NOP14: variants seen among roughly 807,000 people sequenced by gnomAD.
The protein encoded by NOP14 is NOP14 nucleolar protein.
NOP14 carries 57 observed loss-of-function variants against 101.6 expected under a neutral mutation model. The ratio of observed to expected loss-of-function variants is 0.56; its 90% CI spans 0.45 to 0.70. NOP14 has a LOEUF of 0.70. Ranked by LOEUF, NOP14 falls within the 30% of genes least tolerant of loss-of-function variation. NOP14 has a pLI of 0.00. For missense variants in NOP14, 1,134 were observed against 1,075.5 expected, an observed-to-expected ratio of 1.05 and a Z score of -0.76; for synonymous variants, 428 against 424.0, an observed-to-expected ratio of 1.01 and a Z score of -0.12.
chr4:2,960,012 C>CA (rs1449231787), intron 1 of NOP14, among the ~76,000 whole-genome samples: 1 of 151,668 alleles, frequency 6.6e-6, no homozygotes, highest in Non-Finnish European at 1.5e-5. Flanking sequence ...CTCTGTCGCC[C>CA]AGGCTGGAGT....
At chr4:2,950,502 C>G in intron 7 of NOP14, 1 of 471,602 alleles carries the variant, frequency 2.1e-6, no homozygotes, top group Non-Finnish European at 3.8e-6. Flanking sequence ...GGAAGGTGTA[C>G]AGTGGCTGCG....
rs1355998389 is a variant in NOP14, at chr4:2,950,204, T to C, written c.1012A>G (p.Met338Val). ...TCCTGGACATCTTCCTCGACATTCA[T>C]CTTTCCATCCTACCAAGAGCGTGGA... ...RRLLSYKDGK[M>V]NVEEDVQEEQ... is the part of the protein sequence containing the mutation. Residue 338 changes from methionine (M) to valine (V), a missense_variant, in exon 8 of 18, where the codon ATG (methionine) becomes GTG (valine). Coordinates refer to ENST00000416614, the MANE Select transcript of NOP14 (RefSeq NM_001291978.2). 3.3e-5 allele frequency: 54 copies of C among 1,613,536 alleles called. No individual in the cohort carries two copies. Among genetic ancestry groups the C allele is most frequent in the Non-Finnish European group, 4.4e-5 (52 of 1,180,014 alleles).
chr4:2,961,503 C>G (rs1560312612), intron 1 of NOP14: 2 of 152,166 alleles, frequency 1.3e-5, no homozygotes, highest in Non-Finnish European at 2.9e-5. Flanking sequence ...TTCTAAGGGA[C>G]TAACCCACAT....
intron 13 of NOP14, among the ~76,000 whole-genome samples, 187 bp downstream of exon 13, chr4:2,943,886 G>A (rs1332957586): frequency 1.3e-5 from 2 of 152,214 alleles, no homozygotes; most frequent in African/African-American, 2.4e-5. Flanking sequence ...ACAGGTCACC[G>A]GTAGCACTGC....
chr4:2,963,002 G>T, intron 1 of NOP14, 123 bp downstream of exon 1: 1 of 975,166 alleles, frequency 1.0e-6, no homozygotes, highest in Non-Finnish European at 1.4e-6. Context: ...AGTCAGTGCC[G>T]TGTGCCTGTC....
chr4:2,961,058 CAATATTAT>C (rs1715807046), intron 1 of NOP14, among the ~76,000 whole-genome samples: 1 of 111,290 alleles, frequency 9.0e-6, no homozygotes, highest in African/African-American at 3.8e-5. Context: ...AATACTACAT[CAATATTAT>C]ATTAATACTA....
intron 1 of NOP14, among the ~76,000 whole-genome samples, chr4:2,958,955 C>T (rs1369953007): frequency 1.3e-5 from 2 of 152,200 alleles, no homozygotes; most frequent in East Asian, 1.9e-4. Context: ...GACAGAAGCA[C>T]GACCTGGCCC....
intron 14 of NOP14, 70 bp downstream of exon 14, chr4:2,942,122 C>T (rs1714246893): frequency 1.3e-6 from 2 of 1,496,478 alleles, no homozygotes; most frequent in Non-Finnish European, 1.8e-6. Flanking sequence ...CATCAGAAAG[C>T]ACGAGTGGCT....
intron 11 of NOP14, 73 bp from the exon 12 acceptor site, chr4:2,945,302 C>T: frequency 2.7e-6 from 3 of 1,127,168 alleles, no homozygotes; most frequent in Non-Finnish European, 1.3e-6. Flanking sequence ...CGCAAACACT[C>T]CGGAGCCAAG....
Position 2,939,176 on chromosome 4 carries a change from C to A in NOP14, c.2474+12G>T. On this transcript the variant is annotated intron_variant, in intron 17 of 17. Transcript: ENST00000416614. ...ACACCACAATCGTGTCGCACACACA[C>A]GTCCCCCTCACCGTTCCATGATTTC... is the stretch of plus-strand genomic sequence containing the variant. 1.9e-6 allele frequency: 3 copies of A among 1,613,736 alleles called. No individual in the cohort carries two copies. The highest frequency in any genetic ancestry group is 2.5e-6 in the Non-Finnish European group (3 of 1,179,934).
At position 2,938,193 on chromosome 4, in the gene NOP14, A is replaced by G; in HGVS notation, c.*638T>C. The G allele has an allele frequency of 1.6e-6, 2 of 1,288,056 alleles. No individual in the cohort carries two copies. Among genetic ancestry groups the G allele is most frequent in the Non-Finnish European group, 2.0e-6 (2 of 988,278 alleles). The allele number at this position is 1,288,056 out of a possible 1,614,324, so 79.8% of individuals were successfully genotyped here. A position where few individuals can be genotyped will look rare whatever the true frequency, so the allele number is the denominator to read the frequency against. On this transcript the variant is annotated 3_prime_UTR_variant, in exon 18 of 18. Coordinates refer to ENST00000416614, the MANE Select transcript of NOP14 (RefSeq NM_001291978.2). ...GCAGGCAGCGGGTGGGGGGAGCTGG[A>G]GGTTGGAATCACACCAACATTATAG...
In NOP14 at chr4:2,938,529, GAC is replaced by G. The variant is rs1008983924; in HGVS notation, c.*300_*301del. The G allele has an allele frequency of 9.9e-6, 4 of 402,092 alleles. No homozygotes were observed. The highest frequency in any genetic ancestry group is 2.1e-5 in the African/African-American group (1 of 48,596). The allele number at this position is 402,092 out of a possible 1,614,324, so 24.9% of individuals were successfully genotyped here. On this transcript the variant is annotated 3_prime_UTR_variant, in exon 18 of 18. Coordinates refer to ENST00000416614, the MANE Select transcript of NOP14 (RefSeq NM_001291978.2). ...CAAAAAAAAAAATTTTTTTTTAAGC[GAC>G]ACAGTCTTGCACTGTGGCCGAGGCT...
rs368605455 is a variant in NOP14 at position 2,941,839 on chromosome 4, G to A, written c.2052-110C>T. On this transcript the variant is annotated intron_variant, in intron 14 of 17. Coordinates refer to ENST00000416614, the MANE Select transcript of NOP14 (RefSeq NM_001291978.2). ...CACTTCCACTAGGCTGAAAACTCCAGTGTGGCCACCTTGGCCGGCCAGGGT... is the reference window on the plus strand; with the variant it reads ...CACTTCCACTAGGCTGAAAACTCCAATGTGGCCACCTTGGCCGGCCAGGGT... 95 of 1,305,928 alleles carry A rather than the reference G, an allele frequency of 7.3e-5. 2 individuals are homozygous for A. The African/African-American group carries it at 1.1e-3, about 15-fold the overall frequency. The allele number at this position is 1,305,928 out of a possible 1,614,324, so 80.9% of individuals were successfully genotyped here. A position where few individuals can be genotyped will look rare whatever the true frequency, so the allele number is the denominator to read the frequency against.
chr4:2,952,804 A>C (rs1715114522), intron 5 of NOP14, among the ~76,000 whole-genome samples: 1 of 152,166 alleles, frequency 6.6e-6, no homozygotes, highest in Non-Finnish European at 1.5e-5. Context: ...TTAGTCAAGC[A>C]TGGTGGCACG....
At chr4:2,947,792 C>G in intron 9 of NOP14, 181 bp from the exon 10 acceptor site, 1 of 616,784 alleles carries the variant, frequency 1.6e-6, no homozygotes, top group Admixed American at 2.8e-5. Context: ...ACTTGCTAAG[C>G]ACTAGAAGGT....
At chr4:2,941,205 C>G (rs1161344960) in intron 15 of NOP14, 1 of 200,674 alleles carries the variant, frequency 5.0e-6, no homozygotes, top group Non-Finnish European at 1.0e-5. Flanking sequence ...GGCTTCCTGT[C>G]ACCTTGTGCA....
chr4:2,962,915 G>A (rs1416015282), intron 1 of NOP14, among the ~76,000 whole-genome samples: 2 of 152,202 alleles, frequency 1.3e-5, no homozygotes, highest in East Asian at 1.9e-4. Context: ...GAAATAACAC[G>A]AGTGCAGGGT....
Position 2,939,654 on chromosome 4 carries a change from C to T in NOP14, c.2200-9G>A. On this transcript the variant is annotated splice_polypyrimidine_tract_variant and intron_variant, in intron 15 of 17. Coordinates refer to ENST00000416614, the MANE Select transcript of NOP14 (RefSeq NM_001291978.2). ...GTGCTCTGACACAGCTCCTGAAAAA[C>T]ACGAAATCCCCGACTCTGCGATGAC... 1 of 1,603,982 alleles carries T rather than the reference C, an allele frequency of 6.2e-7. No individual in the cohort carries two copies. The highest frequency in any genetic ancestry group is 8.5e-7 in the Non-Finnish European group (1 of 1,171,110).
At chr4:2,957,004 A>G (rs1038589093) in intron 2 of NOP14, among the ~76,000 whole-genome samples, 193 bp from the exon 3 acceptor site, 1 of 152,116 alleles carries the variant, frequency 6.6e-6, no homozygotes, top group African/African-American at 2.4e-5. Flanking sequence ...ATGGAGGGTA[A>G]TTCTTTTTTT....
Sources: gnomAD v4.1 joint callset for allele counts (sites outside exome capture counted in the v4.1 genomes callset) on GRCh38, gnomAD v4.1.1 for gene constraint, MANE v1.5 for transcripts, NCBI Gene and HGNC (gene_info 2026-07-23, HGNC 2026-07-21) for gene names.